SLC35F3: variants seen among roughly 807,000 people sequenced by gnomAD.
The protein encoded by SLC35F3 is solute carrier family 35 member F3, also known as putative thiamine transporter SLC35F3.
A neutral mutation model predicts 49.9 loss-of-function variants in SLC35F3; 25 were observed. The observed-to-expected ratio is 0.50, with a 90% CI of 0.37 to 0.70. SLC35F3 has a LOEUF of 0.70. Ranked by LOEUF, SLC35F3 falls within the 30% of genes least tolerant of loss-of-function variation. The pLI is 0.00. For synonymous variants in SLC35F3, 275 were observed against 265.4 expected, an observed-to-expected ratio of 1.04 and a Z score of -0.35; for missense variants, 525 against 639.8, an observed-to-expected ratio of 0.82 and a Z score of 1.94.
intron 3 of SLC35F3, among the ~76,000 whole-genome samples, chr1:234,250,211 A>C (rs1667713665): frequency 6.6e-6 from 1 of 152,256 alleles, no homozygotes; most frequent in Non-Finnish European, 1.5e-5. Context: ...ATATGTGGAC[A>C]CTGGTGACTA....
At chr1:234,050,053 T>C (rs1298523968) in intron 2 of SLC35F3, among the ~76,000 whole-genome samples, 1 of 152,228 alleles carries the variant, frequency 6.6e-6, no homozygotes, top group Admixed American at 6.5e-5. Flanking sequence ...GACATTTGGG[T>C]TGGTTCCAAG....
intron 2 of SLC35F3, among the ~76,000 whole-genome samples, chr1:234,032,193 C>G (rs1388841306): frequency 6.6e-6 from 1 of 152,082 alleles, no homozygotes; most frequent in Non-Finnish European, 1.5e-5. Flanking sequence ...GATCCCCAAG[C>G]ACCCTTCCCA....
chr1:234,275,651 G>C (rs12040016), intron 3 of SLC35F3, among the ~76,000 whole-genome samples: 9,197 of 151,074 alleles, frequency 0.061, 335 homozygotes, highest in African/African-American at 0.1. Context: ...TCCTGAAACA[G>C]ACACACATCA....
chr1:234,077,625 G>A (rs1664811885), intron 2 of SLC35F3, among the ~76,000 whole-genome samples: 1 of 152,174 alleles, frequency 6.6e-6, no homozygotes, highest in African/African-American at 2.4e-5. Context: ...ATACCAGTGG[G>A]TGTGCAGTGT....
chr1:234,278,736 G>A (rs1668255645), intron 3 of SLC35F3, among the ~76,000 whole-genome samples: 1 of 152,068 alleles, frequency 6.6e-6, no homozygotes, highest in Non-Finnish European at 1.5e-5. Flanking sequence ...CTATTTCCCG[G>A]TTTGCAGAGA....
Position 234,097,184 on chromosome 1 carries a change from C to T in SLC35F3, c.284-134233C>T, listed in dbSNP as rs559635682. ...GATTACAGGCATGAGCCACCGGGCCCAGACTACTTTGGGAAATTCTTTAAG... is the reference window on the plus strand; with the variant it reads ...GATTACAGGCATGAGCCACCGGGCCTAGACTACTTTGGGAAATTCTTTAAG... On this transcript the variant is annotated intron_variant, in intron 2 of 7. Transcript: ENST00000366618. Among the ~76,000 whole-genome samples the T allele has an allele frequency of 3.9e-5, 6 of 152,222 alleles. No individual in the cohort carries two copies. In the South Asian group the frequency reaches 1.2e-3, roughly 32 times the overall value.
At chr1:234,000,071 A>G (rs903387193) in intron 2 of SLC35F3, among the ~76,000 whole-genome samples, 14 of 152,080 alleles carry the variant, frequency 9.2e-5, no homozygotes, top group African/African-American at 3.4e-4. Flanking sequence ...AATCACAAAA[A>G]CTCTGATCGC....
intron 2 of SLC35F3, among the ~76,000 whole-genome samples, chr1:234,052,462 T>C (rs1664392333): frequency 6.6e-6 from 1 of 152,230 alleles, no homozygotes; most frequent in Non-Finnish European, 1.5e-5. Flanking sequence ...TAGCTTGTAT[T>C]TCTGTGGGAT....
intron 2 of SLC35F3, among the ~76,000 whole-genome samples, chr1:233,915,298 A>G (rs1661949340): frequency 6.6e-6 from 1 of 152,252 alleles, no homozygotes; most frequent in Non-Finnish European, 1.5e-5. Flanking sequence ...GGGTCAGAAG[A>G]AAAATGTTTC....
chr1:234,216,774 G>T (rs1216249731), intron 2 of SLC35F3, among the ~76,000 whole-genome samples: 1 of 152,160 alleles, frequency 6.6e-6, no homozygotes, highest in East Asian at 1.9e-4. Context: ...AAAAGAGAAG[G>T]AACAACCTAC....
chr1:234,284,457 T>C (rs914456534), intron 3 of SLC35F3, among the ~76,000 whole-genome samples: 1 of 152,170 alleles, frequency 6.6e-6, no homozygotes, highest in African/African-American at 2.4e-5. Context: ...CATCTCCCTG[T>C]GTGAGTGGTT....
intron 2 of SLC35F3, among the ~76,000 whole-genome samples, chr1:233,955,948 C>T (rs1022900655): frequency 6.4e-5 from 8 of 124,734 alleles, no homozygotes; most frequent in African/African-American, 2.2e-4. Context: ...AGTGCAGTGG[C>T]GTGATCTCGG....
At chr1:233,923,606 G>C (rs575932245) in intron 2 of SLC35F3, among the ~76,000 whole-genome samples, 16 of 152,288 alleles carry the variant, frequency 1.1e-4, no homozygotes, top group Admixed American at 9.8e-4. Flanking sequence ...GGGACAATTT[G>C]ACTTCCTCTT....
chr1:234,279,542 T>G (rs1188700100), intron 3 of SLC35F3, among the ~76,000 whole-genome samples: 1 of 151,966 alleles, frequency 6.6e-6, no homozygotes. Context: ...AGGAGCTGAG[T>G]GTGTCAGTAA....
intron 2 of SLC35F3, among the ~76,000 whole-genome samples, chr1:234,177,395 A>G (rs1319161237): frequency 6.6e-6 from 1 of 152,236 alleles, no homozygotes; most frequent in Non-Finnish European, 1.5e-5. Flanking sequence ...CTAAGAGGGA[A>G]GCACCTCCAA....
intron 2 of SLC35F3, among the ~76,000 whole-genome samples, chr1:234,121,879 CA>C (rs1665582928): frequency 6.6e-6 from 1 of 152,210 alleles, no homozygotes; most frequent in Non-Finnish European, 1.5e-5. Flanking sequence ...CACATCGCTA[CA>C]AAGGACATGA....
chr1:233,992,925 C>T (rs144529458), intron 2 of SLC35F3, among the ~76,000 whole-genome samples: 32 of 152,092 alleles, frequency 2.1e-4, no homozygotes, highest in Middle Eastern at 3.4e-3. Context: ...TGTCTGGGCC[C>T]CTGTGGCAGC....
chr1:234,068,916 T>G (rs1246563638), intron 2 of SLC35F3, among the ~76,000 whole-genome samples: 1 of 128,994 alleles, frequency 7.8e-6, no homozygotes, highest in Non-Finnish European at 1.6e-5. Flanking sequence ...TATTTTTATA[T>G]GTAATATATT....
At chr1:234,067,568 G>A (rs1458853942) in intron 2 of SLC35F3, among the ~76,000 whole-genome samples, 4 of 152,094 alleles carry the variant, frequency 2.6e-5, no homozygotes, top group Admixed American at 6.5e-5. Context: ...TGAAATCTGG[G>A]GGCCTTACAG....
Sources: gnomAD v4.1 joint callset for allele counts (sites outside exome capture counted in the v4.1 genomes callset) on GRCh38, gnomAD v4.1.1 for gene constraint, MANE v1.5 for transcripts, NCBI Gene and HGNC (gene_info 2026-07-23, HGNC 2026-07-21) for gene names.